Variants in ACTC1 observed in about 807,000 individuals in gnomAD.
ACTC1 encodes the protein actin alpha cardiac muscle 1, also known as actin, alpha cardiac muscle 1.
Under a neutral mutation model 31.6 loss-of-function variants are expected in ACTC1, and 10 were observed. That is an observed-to-expected ratio of 0.32 (90% CI 0.19 to 0.54). The LOEUF (loss-of-function observed/expected upper bound fraction) is 0.54. ACTC1 is among the 20% of genes least tolerant of loss of function. The pLI, the probability that ACTC1 is intolerant of heterozygous loss-of-function variation, is 0.95. For missense variants in ACTC1, 129 were observed against 506.4 expected, an observed-to-expected ratio of 0.25 and a Z score of 7.15; for synonymous variants, 196 against 185.0, an observed-to-expected ratio of 1.06 and a Z score of -0.48.
At position 34,794,972 on chromosome 15, in the gene ACTC1, C is replaced by T. The variant is rs577209836; in HGVS notation, c.-22-142G>A. 1.0e-4 allele frequency: 87 copies of T among 860,866 alleles called. No individual in the cohort carries two copies. The East Asian group carries it at 1.9e-3, about 19-fold the overall frequency. 53.3% of individuals were successfully genotyped at this position (860,866 alleles called of 1,614,324 possible). ...GGCGGGGAACACTCCTGCCACCTCC[C>T]TTCCCCTCGAATCATAAAAGGGAGG... On this transcript the variant is annotated intron_variant, in intron 1 of 6. Transcript: ENST00000290378.
rs116419104 is a variant in ACTC1, at chr15:34,790,817, G to A, written c.991-262C>T. Among the ~76,000 whole-genome samples, 1,869 of 152,282 alleles carry A rather than the reference G, an allele frequency of 0.012. 42 individuals are homozygous for A. The highest frequency in any genetic ancestry group is 0.043 in the African/African-American group (1,789 of 41,550). ...AGTGTAATTTGGCAACAAGCTAAAT[G>A]TGTAGTGGAGCCTAGCCCAAAAGTT... is the stretch of plus-strand genomic sequence containing the variant. On this transcript the variant is annotated intron_variant, in intron 6 of 6. Transcript: ENST00000290378.
At position 34,793,052 on chromosome 15, in the gene ACTC1, A is replaced by G. The variant is rs915330372; in HGVS notation, c.454+193T>C. Among the ~76,000 whole-genome samples, 15 of 152,302 alleles carry G rather than the reference A, an allele frequency of 9.8e-5. No homozygotes were observed. Among genetic ancestry groups the G allele is most frequent in the South Asian group, 2.1e-4 (1 of 4,832 alleles). On this transcript the variant is annotated intron_variant, in intron 3 of 6. Coordinates refer to ENST00000290378, the MANE Select transcript of ACTC1 (RefSeq NM_005159.5). This position sits in a 1 kb window ranked among gnomAD's most constrained non-coding sequence, Gnocchi z 4.8. ...AGGGAAGGACCTATCTCCACAAGCT[A>G]TCAGCTCCAACAATAATTGTGCTCC...
In ACTC1 at chr15:34,793,482, T is replaced by C. The variant is rs750951965; in HGVS notation, c.217A>G (p.Ile73Val). ...KRGILTLKYPIEHGIITNWDD... is the reference protein window; with the variant it reads ...KRGILTLKYPVEHGIITNWDD... ...CAGTTGGTGATGATACCATGCTCGA[T>C]GGGATACTTCAGGGTCAGGATGCCT... The change falls in exon 3 of 7, where the codon ATC becomes GTC. Residue 73 changes from isoleucine (I) to valine (V), a missense_variant. Around this residue, in one of 5 missense-constraint regions of ACTC1, gnomAD observed 35 missense variants for 102.3 expected, o/e 0.34. Transcript: ENST00000290378. The surrounding 1 kb of genome is among the most constrained non-coding windows in gnomAD (Gnocchi z 4.8). 7 of 1,614,158 alleles carry C rather than the reference T, an allele frequency of 4.3e-6. No homozygotes were observed. In the South Asian group the frequency reaches 5.5e-5, roughly 13 times the overall value.
In ACTC1 at chr15:34,790,393, G is replaced by T; in HGVS notation, c.*19C>A. The T allele has an allele frequency of 6.2e-7, 1 of 1,613,010 alleles. No individual in the cohort carries two copies. The highest frequency in any genetic ancestry group is 8.5e-7 in the Non-Finnish European group (1 of 1,179,874). On this transcript the variant is annotated 3_prime_UTR_variant, in exon 7 of 7. Transcript: ENST00000290378. ...ATACCGTCATCCTGACTGGAAGGTAGATGGAGAGAGAAGGCATCTTAGAAG... is the reference window on the plus strand; with the variant it reads ...ATACCGTCATCCTGACTGGAAGGTATATGGAGAGAGAAGGCATCTTAGAAG...
At position 34,792,804 on chromosome 15, in the gene ACTC1, C is replaced by T. The variant is rs937845778; in HGVS notation, c.455-235G>A. 8 of 565,762 alleles carry T rather than the reference C, an allele frequency of 1.4e-5. No homozygotes were observed. Among genetic ancestry groups the T allele is most frequent in the South Asian group, 6.1e-5 (3 of 49,258 alleles). 35.0% of individuals were successfully genotyped at this position (565,762 alleles called of 1,614,324 possible). ...ATAGTAGAAAAAATTCCCGAGGACA[C>T]TTTCAAATGACCATCTTTCTTGTCA... is the stretch of plus-strand genomic sequence containing the variant. On this transcript the variant is annotated intron_variant, in intron 3 of 6. Transcript: ENST00000290378. This position sits in a 1 kb window ranked among gnomAD's most constrained non-coding sequence, Gnocchi z 5.3.
chr15:34,794,782 G>A lies in ACTC1; in HGVS notation c.27C>T (p.Ala9=), dbSNP rs1595762043. Reference sequence around the variant, plus strand: ...GCCCAGAGCCGTTGTCGCACACCAGGGCGGTGGTCTCCTCGTCGTCACACA... The same window carrying A: ...GCCCAGAGCCGTTGTCGCACACCAGAGCGGTGGTCTCCTCGTCGTCACACA... MCDDEETT[A]LVCDNGSGLV... Residue 9 remains alanine (A), a synonymous_variant, in exon 2 of 7, where the codon GCC becomes GCT. Transcript: ENST00000290378. 3 of 1,613,658 alleles carry A rather than the reference G, an allele frequency of 1.9e-6. No individual in the cohort carries two copies. The highest frequency in any genetic ancestry group is 2.5e-6 in the Non-Finnish European group (3 of 1,179,784).
rs1891759153 is a variant in ACTC1 at position 34,793,909 on chromosome 15, A to T, written c.130-340T>A. 1.3e-5 allele frequency among the ~76,000 whole-genome samples: 2 copies of T among 152,220 alleles called. No individual in the cohort carries two copies. The highest frequency in any genetic ancestry group is 2.1e-4 in the South Asian group (1 of 4,826). The stretch of plus-strand genomic sequence containing the variant: ...ACCCATGTCAACTGGAATATAGATG[A>T]CTGCATTTTGGAATGACTGAATTAA... On this transcript the variant is annotated intron_variant, in intron 2 of 6. Coordinates refer to ENST00000290378, the MANE Select transcript of ACTC1 (RefSeq NM_005159.5). This position sits in a 1 kb window ranked among gnomAD's most constrained non-coding sequence, Gnocchi z 4.8.
intron 6 of ACTC1, 39 bp from the exon 7 acceptor site, chr15:34,790,594 G>C (rs1891684097): frequency 5.6e-6 from 9 of 1,613,294 alleles, no homozygotes; most frequent in Non-Finnish European, 7.6e-6. Flanking sequence ...GAACTCTGAA[G>C]TTCCAAGCAA....
chr15:34,793,533 C>T lies in ACTC1; in HGVS notation c.166G>A (p.Val56Ile), dbSNP rs944740404. The change falls in exon 3 of 7, where the codon GTA becomes ATA. Residue 56 changes from valine to isoleucine, a missense_variant. This residue lies in a region of ACTC1 where 35 missense variants were observed against 102.3 expected (regional missense o/e 0.34). Transcript: ENST00000290378. The surrounding 1 kb of genome is among the most constrained non-coding windows in gnomAD (Gnocchi z 4.8). ...CTCTTGCTCTGGGCTTCATCACCTA[C>T]GTAGGAGTCCTTCTGACCCATACCC... ...MVGMGQKDSYVGDEAQSKRGI... is the reference protein window; with the variant it reads ...MVGMGQKDSYIGDEAQSKRGI... The T allele has an allele frequency of 6.8e-6, 11 of 1,614,028 alleles. No individual in the cohort carries two copies. The highest frequency in any genetic ancestry group is 1.1e-5 in the South Asian group (1 of 91,066).
At position 34,790,257 on chromosome 15, in the gene ACTC1, T is replaced by C. The variant is rs1782908666; in HGVS notation, c.*155A>G. ...GGTTGCAAGTCCTGGTCTGGTTTAT[T>C]TATAAAGCAATAAATATTAGAAGCA... On this transcript the variant is annotated 3_prime_UTR_variant, in exon 7 of 7. Coordinates refer to ENST00000290378, the MANE Select transcript of ACTC1 (RefSeq NM_005159.5). The C allele has an allele frequency of 3.7e-6, 4 of 1,070,416 alleles. No homozygotes were observed. The highest frequency in any genetic ancestry group is 2.0e-5 in the Admixed American group (1 of 51,094). 66.3% of individuals were successfully genotyped at this position (1,070,416 alleles called of 1,614,324 possible). A position where few individuals can be genotyped will look rare whatever the true frequency, so the allele number is the denominator to read the frequency against.
intron 2 of ACTC1, among the ~76,000 whole-genome samples, chr15:34,794,189 T>C (rs1318921216): frequency 6.6e-6 from 1 of 152,216 alleles, no homozygotes; most frequent in East Asian, 1.9e-4. Flanking sequence ...ACTTGCTGCC[T>C]CTGTCACGCC....
At position 34,790,294 on chromosome 15, in the gene ACTC1, C is replaced by T; in HGVS notation, c.*118G>A. ...AAATATTAGAAGCACAAACAAATTG[C>T]ACGTGTGTAAACAAACTGTACAATG... On this transcript the variant is annotated 3_prime_UTR_variant, in exon 7 of 7. Transcript: ENST00000290378. 1 of 1,303,412 alleles carries T rather than the reference C, an allele frequency of 7.7e-7. No homozygotes were observed. Among genetic ancestry groups the T allele is most frequent in the Non-Finnish European group, 1.1e-6 (1 of 901,962 alleles). The allele number at this position is 1,303,412 out of a possible 1,614,324, so 80.7% of individuals were successfully genotyped here. A position where few individuals can be genotyped will look rare whatever the true frequency, so the allele number is the denominator to read the frequency against.
At chr15:34,795,133 T>C (rs1891796427) in intron 1 of ACTC1, among the ~76,000 whole-genome samples, 1 of 151,980 alleles carries the variant, frequency 6.6e-6, no homozygotes, top group South Asian at 2.1e-4. Context: ...TCCCCAGCCC[T>C]TTAACTTTCT....
intron 5 of ACTC1, chr15:34,791,836 C>G (rs182840803): frequency 2.0e-6 from 1 of 502,970 alleles, no homozygotes; most frequent in Non-Finnish European, 3.6e-6. Context: ...CCTGCAGATA[C>G]GTGCTATTCA....
rs397517070 is a variant in ACTC1 at position 34,792,087 on chromosome 15, C to T, written c.808+3G>A. 1 of 1,614,148 alleles carries T rather than the reference C, an allele frequency of 6.2e-7. No homozygotes were observed. On this transcript the variant is annotated splice_donor_region_variant and intron_variant, in intron 5 of 6. Coordinates refer to ENST00000290378, the MANE Select transcript of ACTC1 (RefSeq NM_005159.5). This position sits in a 1 kb window ranked among gnomAD's most constrained non-coding sequence, Gnocchi z 5.3. ...TGCCTCTGCACCAGACCCTACAACTCACCAATGAAGGAGGGCTGGAAGAGT... is the reference window on the plus strand; with the variant it reads ...TGCCTCTGCACCAGACCCTACAACTTACCAATGAAGGAGGGCTGGAAGAGT...
rs1217244552 is a variant in ACTC1, at chr15:34,792,773, A to T, written c.455-204T>A. 1 of 616,010 alleles carries T rather than the reference A, an allele frequency of 1.6e-6. No individual in the cohort carries two copies. The highest frequency in any genetic ancestry group is 1.8e-5 in the African/African-American group (1 of 54,334). 38.2% of individuals were successfully genotyped at this position (616,010 alleles called of 1,614,324 possible). ...AAGCAAACTGCAGCTCATCTTTTTA[A>T]CTATTATAGTAGAAAAAATTCCCGA... On this transcript the variant is annotated intron_variant, in intron 3 of 6. Transcript: ENST00000290378. The surrounding 1 kb of genome is among the most constrained non-coding windows in gnomAD (Gnocchi z 5.3).
At chr15:34,790,584 G>A (rs751115020) in intron 6 of ACTC1, 29 bp from the exon 7 acceptor site, 15 of 1,613,422 alleles carry the variant, frequency 9.3e-6, no homozygotes, top group Non-Finnish European at 1.0e-5. Context: ...AACTTCCAGT[G>A]AACTCTGAAG....
At chr15:34,791,592 A>C (rs1050891708) in intron 5 of ACTC1, 7 of 442,550 alleles carry the variant, frequency 1.6e-5, no homozygotes, top group Non-Finnish European at 2.8e-5. Context: ...GAAAAGGAAA[A>C]GATACACGTT....
chr15:34,792,308 A>T lies in ACTC1; in HGVS notation c.617-27T>A, dbSNP rs779942233. 1 of 1,614,176 alleles carries T rather than the reference A, an allele frequency of 6.2e-7. No individual in the cohort carries two copies. The highest frequency in any genetic ancestry group is 1.1e-5 in the South Asian group (1 of 91,084). The stretch of plus-strand genomic sequence containing the variant: ...TACAGAAATAAAGAGTATCACAGTC[A>T]TGCTCTGAAGCAAGAAGTCAATTAT... On this transcript the variant is annotated intron_variant, in intron 4 of 6. Transcript: ENST00000290378. The surrounding 1 kb of genome is among the most constrained non-coding windows in gnomAD (Gnocchi z 5.3).
Sources: allele counts gnomAD v4.1 joint callset (sites outside exome capture counted in the v4.1 genomes callset), GRCh38; gene constraint gnomAD v4.1.1; regional missense constraint gnomAD v4.1.1; non-coding constraint Gnocchi (gnomAD v3.1); transcripts MANE v1.5; gene names NCBI Gene and HGNC (gene_info 2026-07-23, HGNC 2026-07-21).